The following SGCD variants were observed in gnomAD, a reference collection of about 807,000 sequenced individuals.
SGCD encodes the protein sarcoglycan delta.
Under a neutral mutation model 36.6 loss-of-function variants are expected in SGCD, and 18 were observed. The observed-to-expected ratio is 0.49, with a 90% confidence interval of 0.34 to 0.73. The LOEUF is 0.73. Ranked by LOEUF, SGCD falls within the 30% of genes least tolerant of loss-of-function variation. The pLI is 0.01. For synonymous variants in SGCD, 133 were observed against 130.6 expected (o/e 1.02, Z -0.12); for missense variants, 387 against 346.7 (o/e 1.12, Z -0.92).
intron 3 of SGCD, among the ~76,000 whole-genome samples, chr5:156,299,690 T>C (rs1766999683): frequency 6.6e-6 from 1 of 152,148 alleles, no homozygotes; most frequent in Admixed American, 6.5e-5. Context: ...CTTATTTTAT[T>C]TGTAGTTGTA....
intron 7 of SGCD, among the ~76,000 whole-genome samples, chr5:156,740,147 T>C (rs1321613860): frequency 6.6e-6 from 1 of 152,030 alleles, no homozygotes; most frequent in Non-Finnish European, 1.5e-5. Flanking sequence ...GACCATGGAG[T>C]TGAACATGAT....
intron 6 of SGCD, among the ~76,000 whole-genome samples, chr5:156,603,377 A>C (rs1043259264): frequency 1.1e-4 from 16 of 152,188 alleles, no homozygotes; most frequent in Middle Eastern, 6.8e-3. Flanking sequence ...TTTTCAAAAA[A>C]ACAACTTTGT....
chr5:156,305,852 G>A (rs72813859), intron 3 of SGCD, among the ~76,000 whole-genome samples: 24,396 of 151,800 alleles, frequency 0.16, 2,032 homozygotes, highest in South Asian at 0.24. Flanking sequence ...AAAGGAGAGA[G>A]ATTATTTTGG....
the SGCD span, among the ~76,000 whole-genome samples, chr5:155,764,384 C>T: frequency 3.3e-5 from 5 of 152,146 alleles, no homozygotes; most frequent in Non-Finnish European, 7.4e-5. Context: ...TTCTGCAGGT[C>T]AACTGTGGCT....
At chr5:156,449,736 T>C (rs12653744) in intron 3 of SGCD, among the ~76,000 whole-genome samples, 8,524 of 141,468 alleles carry the variant, frequency 0.06, 298 homozygotes, top group East Asian at 0.12. Flanking sequence ...CCTGTAATCC[T>C]AGCTGCTCTG....
At chr5:156,391,740 A>T (rs1771582684) in intron 3 of SGCD, among the ~76,000 whole-genome samples, 1 of 152,238 alleles carries the variant, frequency 6.6e-6, no homozygotes, top group Admixed American at 6.5e-5. Context: ...TGCTGCAGAT[A>T]CTAAGGGATG....
chr5:156,081,395 G>C (rs150270419), intron 1 of SGCD, among the ~76,000 whole-genome samples: 1 of 152,026 alleles, frequency 6.6e-6, no homozygotes, highest in South Asian at 2.1e-4. Context: ...TCAAACCATA[G>C]CACTTTTTTT....
chr5:156,129,775 A>T (rs1450647962), intron 3 of SGCD, among the ~76,000 whole-genome samples: 1 of 152,122 alleles, frequency 6.6e-6, no homozygotes, highest in Non-Finnish European at 1.5e-5. Context: ...TTTGCTTAGG[A>T]TGATAGTCTC....
chr5:156,573,356 A>G (rs1033235879), intron 4 of SGCD, among the ~76,000 whole-genome samples: 2 of 152,210 alleles, frequency 1.3e-5, no homozygotes, highest in Admixed American at 6.5e-5. Flanking sequence ...GCCTCCGGTC[A>G]TGAAATATTT....
intron 7 of SGCD, among the ~76,000 whole-genome samples, chr5:156,731,146 C>T (rs1394767326): frequency 6.6e-6 from 1 of 151,946 alleles, no homozygotes. Context: ...GGAACTTAAA[C>T]AAATTTACAA....
intron 2 of SGCD, among the ~76,000 whole-genome samples, chr5:156,341,316 T>A (rs967254042): frequency 2.7e-4 from 41 of 152,276 alleles, no homozygotes; most frequent in African/African-American, 9.4e-4. Context: ...CCACTTTTTT[T>A]ATTTTTTATT....
the SGCD span, among the ~76,000 whole-genome samples, chr5:155,823,944 G>A: frequency 1.3e-5 from 2 of 152,168 alleles, no homozygotes; most frequent in African/African-American, 4.8e-5. Flanking sequence ...GACCAAAAGA[G>A]AGAAACTCAT....
the SGCD span, among the ~76,000 whole-genome samples, chr5:155,799,442 C>T: frequency 1.5e-4 from 23 of 149,512 alleles, no homozygotes; most frequent in South Asian, 2.1e-4. Flanking sequence ...CACCCAGGGT[C>T]GAGTGCAGTG....
chr5:156,117,746 C>T (rs956204967), intron 1 of SGCD: 1 of 152,128 alleles, frequency 6.6e-6, no homozygotes, highest in Non-Finnish European at 1.5e-5. Flanking sequence ...GGAATCAAAC[C>T]TAGGCAGGGA....
At chr5:155,768,629 G>A in the SGCD span, among the ~76,000 whole-genome samples, 1 of 152,080 alleles carries the variant, frequency 6.6e-6, no homozygotes, top group Non-Finnish European at 1.5e-5. Context: ...CAGAAAAAAC[G>A]AACCGGCTCC....
chr5:156,120,585 A>G (rs1381040156), intron 2 of SGCD, among the ~76,000 whole-genome samples: 1 of 152,190 alleles, frequency 6.6e-6, no homozygotes, highest in Non-Finnish European at 1.5e-5. Flanking sequence ...TTGCTTTGTA[A>G]ATGTGCTTTG....
chr5:155,958,958 C>T (rs1757726584), intron 1 of SGCD, among the ~76,000 whole-genome samples: 1 of 152,114 alleles, frequency 6.6e-6, no homozygotes, highest in African/African-American at 2.4e-5. Flanking sequence ...ATACCAGGGA[C>T]CTTCAGTCCC....
chr5:156,584,416 G>A (rs17053637), intron 4 of SGCD, among the ~76,000 whole-genome samples: 25,122 of 152,074 alleles, frequency 0.17, 2,264 homozygotes, highest in African/African-American at 0.21. Flanking sequence ...TGTAGACTCC[G>A]GCAGACCAGG....
At chr5:155,831,957 G>A in the SGCD span, among the ~76,000 whole-genome samples, 5 of 152,188 alleles carry the variant, frequency 3.3e-5, no homozygotes, top group African/African-American at 4.8e-5. Flanking sequence ...TGTTGGAAGT[G>A]TCCTCTTTGG....
Sources: gnomAD v4.1 joint callset for allele counts (sites outside exome capture counted in the v4.1 genomes callset) on GRCh38, gnomAD v4.1.1 for gene constraint, MANE v1.5 for transcripts, NCBI Gene and HGNC (gene_info 2026-07-23, HGNC 2026-07-21) for gene names.